Variants in CFAP91 observed in about 807,000 individuals in gnomAD.
CFAP91 encodes the protein cilia- and flagella-associated protein 91.
A neutral mutation model predicts 95.9 loss-of-function variants in CFAP91; 85 were observed. The observed-to-expected ratio is 0.89, with a 90% CI of 0.74 to 1.06. The LOEUF is 1.06. Ranked by LOEUF, CFAP91 falls within the 50% of genes least tolerant of loss-of-function variation. CFAP91 has a pLI of 0.00. For missense variants in CFAP91, 962 were observed against 943.4 expected (o/e 1.02, Z -0.26); for synonymous variants, 335 against 327.5 (o/e 1.02, Z -0.25).
intron 6 of CFAP91, among the ~76,000 whole-genome samples, chr3:119,717,550 G>GT (rs1553706267): frequency 3.8e-4 from 49 of 130,164 alleles, no homozygotes; most frequent in African/African-American, 1.1e-3. Flanking sequence ...AAATACGTTG[G>GT]TTTTTTTTTT....
intron 12 of CFAP91, among the ~76,000 whole-genome samples, chr3:119,740,273 A>C (rs1386507912): frequency 1.3e-5 from 2 of 152,234 alleles, no homozygotes; most frequent in South Asian, 2.1e-4. Flanking sequence ...TGGTTTCTTC[A>C]GATGACCCTG....
rs1299591487 is a variant in CFAP91 at position 119,715,640 on chromosome 3, T to A, written c.579T>A (p.Thr193=). ...IPSKSTVGTQ[T]DYRDADVQTD... ...CAAAGTCTACTGTGGGCACTCAGAC[T>A]GATTATCGGGATGCTGACGTTCAAA... The change falls in exon 6 of 18, where the codon ACT becomes ACA. Residue 193 remains threonine (T), a synonymous_variant. Coordinates refer to ENST00000273390, the MANE Select transcript of CFAP91 (RefSeq NM_033364.4). The A allele has an allele frequency of 1.2e-6, 2 of 1,613,476 alleles. No homozygotes were observed. Among genetic ancestry groups the A allele is most frequent in the African/African-American group, 2.7e-5 (2 of 74,916 alleles).
At position 119,715,749 on chromosome 3, in the gene CFAP91, T is replaced by C. The variant is rs745984396; in HGVS notation, c.682+6T>C. ...CCTGGCTACGCTTACTTGGGGTGAG[T>C]TGGTAAATCTCCTGACTATTGGCAG... is the stretch of plus-strand genomic sequence containing the variant. On this transcript the variant is annotated splice_donor_region_variant and intron_variant, in intron 6 of 17. Coordinates refer to ENST00000273390, the MANE Select transcript of CFAP91 (RefSeq NM_033364.4). 5.0e-6 allele frequency: 8 copies of C among 1,612,976 alleles called. No individual in the cohort carries two copies. The highest frequency in any genetic ancestry group is 6.8e-6 in the Non-Finnish European group (8 of 1,179,062).
intron 8 of CFAP91, among the ~76,000 whole-genome samples, chr3:119,731,328 T>G (rs1018549388): frequency 6.6e-6 from 1 of 152,186 alleles, no homozygotes; most frequent in Non-Finnish European, 1.5e-5. Flanking sequence ...CATTCAAAAC[T>G]TATTTTTCCA....
At chr3:119,730,876 G>C (rs2053884511) in intron 8 of CFAP91, among the ~76,000 whole-genome samples, 1 of 152,018 alleles carries the variant, frequency 6.6e-6, no homozygotes, top group Non-Finnish European at 1.5e-5. Context: ...GAAGTATATG[G>C]TTTATTATTT....
At chr3:119,711,420 C>A (rs1321978412) in intron 5 of CFAP91, among the ~76,000 whole-genome samples, 1 of 152,182 alleles carries the variant, frequency 6.6e-6, no homozygotes, top group Non-Finnish European at 1.5e-5. Flanking sequence ...CACTGAATTA[C>A]CTGCTTTGGA....
At position 119,730,322 on chromosome 3, in the gene CFAP91, A is replaced by G; in HGVS notation, c.963A>G (p.Lys321=). Residue 321 remains lysine, a synonymous_variant, in exon 8 of 18, where the codon AAA becomes AAG. Transcript: ENST00000273390. ...AGCACTTGAATGCCCGGTGGTCTAA[A>G]CTGCAGGAGGGAAAAGAGGCAAAAA... is the stretch of plus-strand genomic sequence containing the variant. ...NMKHLNARWS[K]LQEGKEAKMA... 6.2e-7 allele frequency: 1 copy of G among 1,614,200 alleles called. No individual in the cohort carries two copies. Among genetic ancestry groups the G allele is most frequent in the East Asian group, 2.2e-5 (1 of 44,884 alleles).
At chr3:119,720,822 A>G (rs552193978) in intron 6 of CFAP91, among the ~76,000 whole-genome samples, 1 of 152,346 alleles carries the variant, frequency 6.6e-6, no homozygotes, top group East Asian at 1.9e-4. Flanking sequence ...CATATAACCT[A>G]CACACATCCT....
chr3:119,725,895 T>C lies in CFAP91; in HGVS notation c.683-276T>C, dbSNP rs2053773136. The stretch of plus-strand genomic sequence containing the variant: ...TTGTTTATTACAGAGCATTCCAAGG[T>C]GTGATTATTCAGTAGTCACTTAATA... On this transcript the variant is annotated intron_variant, in intron 6 of 17. Coordinates refer to ENST00000273390, the MANE Select transcript of CFAP91 (RefSeq NM_033364.4). Among the ~76,000 whole-genome samples, 5 of 152,348 alleles carry C rather than the reference T, an allele frequency of 3.3e-5. No homozygotes were observed. The South Asian group carries it at 1.0e-3, about 32-fold the overall frequency.
At chr3:119,727,344 G>A (rs2053801739) in intron 7 of CFAP91, among the ~76,000 whole-genome samples, 1 of 152,174 alleles carries the variant, frequency 6.6e-6, no homozygotes, top group South Asian at 2.1e-4. Context: ...GGCAAAGTAG[G>A]TGTCAAATAC....
At position 119,707,476 on chromosome 3, in the gene CFAP91, A is replaced by C. The variant is rs1395321922; in HGVS notation, c.274A>C (p.Lys92Gln). The C allele has an allele frequency of 6.3e-7, 1 of 1,598,642 alleles. No homozygotes were observed. The highest frequency in any genetic ancestry group is 1.3e-5 in the African/African-American group (1 of 74,854). ...TCCAAGATATTCTCTATATTGGAGC[A>C]AGTCAGATCCTGTCCCACCATTTAT... ...HYPRYSLYWS[K>Q]SDPVPPFISR... Residue 92 changes from lysine to glutamine, a missense_variant, in exon 3 of 18, where the codon AAG becomes CAG. Lys to Gln is a moderately conservative substitution (Grantham distance 53). Transcript: ENST00000273390.
intron 3 of CFAP91, among the ~76,000 whole-genome samples, 171 bp downstream of exon 3, chr3:119,707,732 GAT>G (rs770594988): frequency 8.4e-5 from 12 of 142,428 alleles, no homozygotes; most frequent in Admixed American, 2.8e-4. Flanking sequence ...GTATATATGA[GAT>G]ATATATATAT....
At chr3:119,762,594 T>C (rs2054556758) in intron 17 of CFAP91, among the ~76,000 whole-genome samples, 1 of 151,964 alleles carries the variant, frequency 6.6e-6, no homozygotes, top group African/African-American at 2.4e-5. Flanking sequence ...TGCAAAGCTA[T>C]GCTAATCAAA....
At chr3:119,721,748 A>C (rs1255139929) in intron 6 of CFAP91, among the ~76,000 whole-genome samples, 1 of 152,234 alleles carries the variant, frequency 6.6e-6, no homozygotes, top group Non-Finnish European at 1.5e-5. Context: ...TGGCGATTAG[A>C]AAGAAGCAGC....
chr3:119,707,659 G>A, intron 3 of CFAP91, 98 bp downstream of exon 3: 6 of 1,183,776 alleles, frequency 5.1e-6, no homozygotes, highest in Non-Finnish European at 3.3e-6. Context: ...CAGTTGTGGT[G>A]TTATACCTAG....
At chr3:119,721,603 A>G (rs2053685488) in intron 6 of CFAP91, among the ~76,000 whole-genome samples, 1 of 152,172 alleles carries the variant, frequency 6.6e-6, no homozygotes, top group Admixed American at 6.5e-5. Context: ...TATAGCTGAT[A>G]GGCTGGCATG....
chr3:119,762,196 CTA>C (rs2107926690), intron 17 of CFAP91, among the ~76,000 whole-genome samples: 1 of 151,710 alleles, frequency 6.6e-6, no homozygotes, highest in African/African-American at 2.4e-5. Flanking sequence ...TAACAACAAA[CTA>C]TACAAAAAAG....
At chr3:119,721,945 G>A (rs1468065875) in intron 6 of CFAP91, among the ~76,000 whole-genome samples, 1 of 152,102 alleles carries the variant, frequency 6.6e-6, no homozygotes, top group Non-Finnish European at 1.5e-5. Context: ...GGATGCCAAG[G>A]CAGGAGGATT....
chr3:119,758,312 A>G (rs1156340072), intron 17 of CFAP91, among the ~76,000 whole-genome samples: 1 of 152,226 alleles, frequency 6.6e-6, no homozygotes, highest in African/African-American at 2.4e-5. Flanking sequence ...TTGCAAGGCA[A>G]GCAAAACTTA....
Sources: allele counts gnomAD v4.1 joint callset (sites outside exome capture counted in the v4.1 genomes callset), GRCh38; gene constraint gnomAD v4.1.1; transcripts MANE v1.5; gene names NCBI Gene and HGNC (gene_info 2026-07-23, HGNC 2026-07-21).